VPS35: variants seen among roughly 807,000 people sequenced by gnomAD.
VPS35 encodes vacuolar protein sorting-associated protein 35.
Under a neutral mutation model 98.1 loss-of-function variants are expected in VPS35, and 21 were observed. The ratio of observed to expected loss-of-function variants is 0.21; its 90% CI spans 0.15 to 0.31. The LOEUF (loss-of-function observed/expected upper bound fraction) is 0.31. VPS35 is among the 10% of genes least tolerant of loss of function. The pLI, the probability that VPS35 is intolerant of heterozygous loss-of-function variation, is 1.00. For missense variants in VPS35, 554 were observed against 950.8 expected (o/e 0.58, Z 5.49); for synonymous variants, 268 against 318.2 (o/e 0.84, Z 1.68).
At position 46,661,627 on chromosome 16, in the gene VPS35, T is replaced by G. The variant is rs547702686; in HGVS notation, c.2211+91A>C. The G allele has an allele frequency of 3.4e-5, 40 of 1,178,278 alleles. 2 individuals are homozygous for G. The South Asian group carries it at 5.2e-4, about 15-fold the overall frequency. The allele number at this position is 1,178,278 out of a possible 1,614,324, so 73.0% of individuals were successfully genotyped here. ...TTTCAAATGAACAGTGATTAAAGTA[T>G]CAGAATGATAAACTTTTGTACATAT... On this transcript the variant is annotated intron_variant, in intron 16 of 16. Transcript: ENST00000299138. The surrounding 1 kb of genome is among the most constrained non-coding windows in gnomAD (Gnocchi z 4.3).
In VPS35 at chr16:46,669,070, A is replaced by G; in HGVS notation, c.1525-18T>C. Reference sequence around the variant, plus strand: ...TTCAAAATCTGACCCAAAAGCATTAAAGAAAAAAAAATTTCCAAACTCTGA... The same window carrying G: ...TTCAAAATCTGACCCAAAAGCATTAGAGAAAAAAAAATTTCCAAACTCTGA... On this transcript the variant is annotated intron_variant, in intron 12 of 16. Coordinates refer to ENST00000299138, the MANE Select transcript of VPS35 (RefSeq NM_018206.6). 1.2e-6 allele frequency: 2 copies of G among 1,613,848 alleles called. No homozygotes were observed.
At chr16:46,670,844 C>A (rs1966057645) in intron 12 of VPS35, among the ~76,000 whole-genome samples, 2 of 152,178 alleles carry the variant, frequency 1.3e-5, no homozygotes, top group Non-Finnish European at 2.9e-5. Flanking sequence ...GTGTCAACTA[C>A]AATGAAGAAA....
chr16:46,660,151 A>C lies in VPS35; in HGVS notation c.*321T>G, dbSNP rs1965884280. The stretch of plus-strand genomic sequence containing the variant: ...CAAACAAACAAACAAAAAAAAGGAG[A>C]GCTTCATTAGTAGCCAAGATAAGTG... On this transcript the variant is annotated 3_prime_UTR_variant, in exon 17 of 17. Coordinates refer to ENST00000299138, the MANE Select transcript of VPS35 (RefSeq NM_018206.6). 1 of 216,884 alleles carries C rather than the reference A, an allele frequency of 4.6e-6. No homozygotes were observed. The highest frequency in any genetic ancestry group is 8.8e-6 in the Non-Finnish European group (1 of 113,344). 13.4% of individuals were successfully genotyped at this position (216,884 alleles called of 1,614,324 possible).
chr16:46,682,801 G>A (rs1966253411), intron 2 of VPS35: 1 of 154,410 alleles, frequency 6.5e-6, no homozygotes, highest in Admixed American at 6.3e-5. Flanking sequence ...AGACACAAGA[G>A]CATATTACTA....
intron 12 of VPS35, among the ~76,000 whole-genome samples, chr16:46,669,464 C>T (rs915163323): frequency 5.9e-5 from 9 of 151,968 alleles, no homozygotes; most frequent in Admixed American, 2.6e-4. Context: ...GTCAGGAGTT[C>T]GAGACCAGCC....
chr16:46,683,226 T>C lies in VPS35; in HGVS notation c.102+282A>G, dbSNP rs1207371661. On this transcript the variant is annotated intron_variant, in intron 2 of 16. Coordinates refer to ENST00000299138, the MANE Select transcript of VPS35 (RefSeq NM_018206.6). ...TTCTGGTCAGACACTGGTGTGGTAA[T>C]AATACAGTAATGTGTAAATAAAAGG... is the stretch of plus-strand genomic sequence containing the variant. The C allele has an allele frequency of 6.3e-6, 3 of 473,254 alleles. No homozygotes were observed. In the East Asian group the frequency reaches 1.3e-4, roughly 20 times the overall value. 29.3% of individuals were successfully genotyped at this position (473,254 alleles called of 1,614,324 possible). A position where few individuals can be genotyped will look rare whatever the true frequency, so the allele number is the denominator to read the frequency against.
intron 8 of VPS35, among the ~76,000 whole-genome samples, chr16:46,675,405 T>G (rs997442273): frequency 5.3e-5 from 8 of 152,298 alleles, no homozygotes; most frequent in Middle Eastern, 3.4e-3. Context: ...TTACTCAAAA[T>G]AGTATGTTTC....
intron 7 of VPS35, 26 bp from the exon 8 acceptor site, chr16:46,676,718 T>C: frequency 6.7e-7 from 1 of 1,494,954 alleles, no homozygotes; most frequent in Admixed American, 1.7e-5. Context: ...TCAATACAAA[T>C]AAAAGTATTT....
intron 12 of VPS35, 120 bp downstream of exon 12, chr16:46,671,585 T>C: frequency 2.8e-6 from 4 of 1,404,102 alleles, no homozygotes; most frequent in Non-Finnish European, 3.9e-6. Flanking sequence ...GAATCTTTAA[T>C]TCAGTTGCAA....
chr16:46,663,891 T>TTTTTTTTG lies in VPS35; in HGVS notation c.1648-730_1648-729insCAAAAAAA. 2.3e-5 allele frequency among the ~76,000 whole-genome samples: 3 copies of TTTTTTTTG among 128,972 alleles called. 1 individual carries two copies. In the South Asian group the frequency reaches 7.4e-4, roughly 32 times the overall value. 84.6% of individuals were successfully genotyped at this position (128,972 alleles called of 152,430 possible). A position where few individuals can be genotyped will look rare whatever the true frequency, so the allele number is the denominator to read the frequency against. On this transcript the variant is annotated intron_variant, in intron 13 of 16. Coordinates refer to ENST00000299138, the MANE Select transcript of VPS35 (RefSeq NM_018206.6). ...TTTTTTTTTTTTTTTTTTTTTTTTT[T>TTTTTTTTG]GTAGAGACAGGGTCTCATTCTGTTG...
chr16:46,676,539 T>A (rs749665948), intron 8 of VPS35, 44 bp downstream of exon 8: 12 of 1,204,244 alleles, frequency 1.0e-5, no homozygotes, highest in Non-Finnish European at 3.7e-6. Flanking sequence ...AAATTCATTA[T>A]TCCCAAGTCA....
In VPS35 at chr16:46,689,037, G is replaced by A. The variant is rs1223987522; in HGVS notation, c.3+94C>T. 4 of 1,565,826 alleles carry A rather than the reference G, an allele frequency of 2.6e-6. No individual in the cohort carries two copies. The South Asian group carries it at 3.5e-5, about 14-fold the overall frequency. The stretch of plus-strand genomic sequence containing the variant: ...GTCTTAATCCCGAACGGTCTGTGGG[G>A]CCCCTTCTCCACTCGCTGGAGTGCG... On this transcript the variant is annotated intron_variant, in intron 1 of 16. Transcript: ENST00000299138.
chr16:46,681,234 A>C, intron 4 of VPS35, 143 bp downstream of exon 4: 1 of 1,193,124 alleles, frequency 8.4e-7, no homozygotes, highest in East Asian at 2.4e-5. Context: ...CTCTAAAACA[A>C]GTAAGAGAAT....
chr16:46,688,663 A>G (rs969451833), intron 1 of VPS35: 3 of 1,054,680 alleles, frequency 2.8e-6, no homozygotes, highest in Non-Finnish European at 3.4e-6. Flanking sequence ...CGACCCCTCC[A>G]GGAGGGCGTG....
chr16:46,688,125 A>G (rs369014604), intron 1 of VPS35, among the ~76,000 whole-genome samples: 1 of 152,370 alleles, frequency 6.6e-6, no homozygotes, highest in Non-Finnish European at 1.5e-5. Flanking sequence ...TAGTATTTGT[A>G]AAACACTTAA....
At chr16:46,664,852 C>T (rs781684433) in intron 13 of VPS35, among the ~76,000 whole-genome samples, 3 of 152,172 alleles carry the variant, frequency 2.0e-5, no homozygotes, top group Non-Finnish European at 4.4e-5. Context: ...TAACAATCTT[C>T]CCGATACTAA....
intron 15 of VPS35, 69 bp downstream of exon 15, chr16:46,662,174 C>T: frequency 1.2e-6 from 2 of 1,612,198 alleles, no homozygotes; most frequent in African/African-American, 1.3e-5. Flanking sequence ...ACCTCCAGAA[C>T]ACAAGGCCAT....
At chr16:46,682,297 G>T in intron 2 of VPS35, 122 bp from the exon 3 acceptor site, 1 of 781,126 alleles carries the variant, frequency 1.3e-6, no homozygotes, top group Non-Finnish European at 2.1e-6. Context: ...GCACTTAAAT[G>T]ATTTTAACCA....
intron 2 of VPS35, 37 bp downstream of exon 2, chr16:46,683,471 C>T (rs1396203307): frequency 1.9e-6 from 3 of 1,588,050 alleles, no homozygotes; most frequent in South Asian, 1.1e-5. Flanking sequence ...TAGGAACACA[C>T]GAACTGCAAC....
Sources: allele counts gnomAD v4.1 joint callset (sites outside exome capture counted in the v4.1 genomes callset), GRCh38; gene constraint gnomAD v4.1.1; non-coding constraint Gnocchi (gnomAD v3.1); transcripts MANE v1.5; gene names NCBI Gene and HGNC (gene_info 2026-07-23, HGNC 2026-07-21).